The following PHACTR4 variants were observed in gnomAD, a reference collection of about 807,000 sequenced individuals.
PHACTR4 encodes the protein phosphatase and actin regulator 4.
PHACTR4 carries 51 observed loss-of-function variants against 72.7 expected under a neutral mutation model. The ratio of observed to expected loss-of-function variants is 0.70; its 90% CI spans 0.56 to 0.89. The LOEUF (loss-of-function observed/expected upper bound fraction) is 0.89, where lower values mean the gene tolerates loss of function less well. Among genes scored for constraint, PHACTR4 ranks in the 40% least tolerant of loss-of-function variants. The probability of loss-of-function intolerance (pLI) is 0.00; values close to 1 mark genes in which losing one functional copy is unlikely to be tolerated. For missense variants in PHACTR4, 731 were observed against 861.8 expected (o/e 0.85, Z 1.90); for synonymous variants, 255 against 302.5 (o/e 0.84, Z 1.63).
intron 1 of PHACTR4, among the ~76,000 whole-genome samples, chr1:28,384,182 G>A (rs144540669): frequency 0.01 from 1,598 of 152,230 alleles, 27 homozygotes; most frequent in African/African-American, 0.037. Flanking sequence ...CTCATAGAAT[G>A]AGTTAGGAAG....
Position 28,418,149 on chromosome 1 carries a change from A to G in PHACTR4, c.16+10686A>G, listed in dbSNP as rs185687902. Among the ~76,000 whole-genome samples, 808 of 152,050 alleles carry G rather than the reference A, an allele frequency of 5.3e-3. 5 individuals carry two copies. Among genetic ancestry groups the G allele is most frequent in the African/African-American group, 0.018 (741 of 41,462 alleles). ...CACAGCCCTATCTCTAAATAAATAA[A>G]TGCTGACAAAGATAGTAGAAAAATA... On this transcript the variant is annotated intron_variant, in intron 2 of 13. Transcript: ENST00000373839.
intron 2 of PHACTR4, among the ~76,000 whole-genome samples, chr1:28,458,094 TATG>T (rs1303585340): frequency 3.4e-5 from 5 of 146,472 alleles, no homozygotes; most frequent in East Asian, 2.0e-4. Context: ...TCCTTAATAT[TATG>T]GTGTGTGTGT....
intron 2 of PHACTR4, among the ~76,000 whole-genome samples, chr1:28,417,041 T>C (rs1218302128): frequency 6.6e-6 from 1 of 152,158 alleles, no homozygotes; most frequent in Non-Finnish European, 1.5e-5. Flanking sequence ...TCTTGCTTTT[T>C]TTTTTCTTTT....
intron 2 of PHACTR4, among the ~76,000 whole-genome samples, chr1:28,435,411 T>A (rs1656568789): frequency 6.6e-6 from 1 of 152,158 alleles, no homozygotes; most frequent in African/African-American, 2.4e-5. Flanking sequence ...ATTACAGGCA[T>A]GTGCCACCAC....
chr1:28,380,050 A>ATTTTTTTTTTTTTTTTTTTTTTTTTTT (rs1405487346), intron 1 of PHACTR4, among the ~76,000 whole-genome samples: 2 of 128,078 alleles, frequency 1.6e-5, no homozygotes, highest in African/African-American at 6.1e-5. Context: ...TTTAAATGTA[A>ATTTTTTTTTTTTTTTTTTTTTTTTTTT]CTTTTTTTTT....
chr1:28,461,055 C>A (rs1338236881), intron 4 of PHACTR4, among the ~76,000 whole-genome samples: 2 of 152,156 alleles, frequency 1.3e-5, no homozygotes, highest in Non-Finnish European at 2.9e-5. Flanking sequence ...CTCTATGAAG[C>A]AAGTTATTGC....
At chr1:28,380,051 C>CTTTTTT (rs1227241664) in intron 1 of PHACTR4, among the ~76,000 whole-genome samples, 14 of 117,314 alleles carry the variant, frequency 1.2e-4, no homozygotes, top group South Asian at 2.7e-4. Flanking sequence ...TTAAATGTAA[C>CTTTTTT]TTTTTTTTTT....
At chr1:28,462,334 G>C (rs1223761145) in intron 4 of PHACTR4, among the ~76,000 whole-genome samples, 1 of 151,882 alleles carries the variant, frequency 6.6e-6, no homozygotes, top group Non-Finnish European at 1.5e-5. Flanking sequence ...TGATACAGCT[G>C]TTCCACTTTC....
chr1:28,451,799 C>T (rs1657994885), intron 2 of PHACTR4, among the ~76,000 whole-genome samples: 1 of 149,874 alleles, frequency 6.7e-6, no homozygotes, highest in Non-Finnish European at 1.5e-5. Flanking sequence ...AAGCACCACA[C>T]TTGGCTAATT....
chr1:28,481,798 AAAAAG>A (rs1204968783), intron 9 of PHACTR4, among the ~76,000 whole-genome samples: 4 of 148,594 alleles, frequency 2.7e-5, no homozygotes, highest in Non-Finnish European at 4.4e-5. Flanking sequence ...TAAAAAAAAA[AAAAAG>A]AAAAGAAAAG....
chr1:28,443,793 A>G (rs1657224613), intron 2 of PHACTR4, among the ~76,000 whole-genome samples: 1 of 152,060 alleles, frequency 6.6e-6, no homozygotes, highest in Non-Finnish European at 1.5e-5. Flanking sequence ...CATTTTGTAT[A>G]TATACCACAT....
intron 1 of PHACTR4, among the ~76,000 whole-genome samples, chr1:28,392,406 CTTT>C (rs201902576): frequency 7.0e-6 from 1 of 141,934 alleles, no homozygotes; most frequent in African/African-American, 2.6e-5. Flanking sequence ...ATTCCTTTTT[CTTT>C]TTTTTTTTTT....
At chr1:28,450,288 C>CTTT (rs774519813) in intron 2 of PHACTR4, among the ~76,000 whole-genome samples, 3 of 139,986 alleles carry the variant, frequency 2.1e-5, no homozygotes, top group Non-Finnish European at 3.1e-5. Context: ...GGAAAACTAC[C>CTTT]TTTTTTTTTT....
intron 1 of PHACTR4, among the ~76,000 whole-genome samples, chr1:28,406,813 G>GT (rs1201349338): frequency 2.6e-5 from 4 of 152,072 alleles, no homozygotes; most frequent in Non-Finnish European, 5.9e-5. Flanking sequence ...CTTTTGAAAC[G>GT]TTTTTTGTTT....
chr1:28,489,703 G>GC, intron 10 of PHACTR4: 1 of 500,908 alleles, frequency 2.0e-6, no homozygotes, highest in Admixed American at 2.1e-5. Context: ...TATTTAATTT[G>GC]CTGTCTGTGT....
chr1:28,456,075 G>T (rs889749827), intron 2 of PHACTR4, among the ~76,000 whole-genome samples: 6 of 151,530 alleles, frequency 4.0e-5, no homozygotes, highest in Non-Finnish European at 7.4e-5. Context: ...AGCCATTCTT[G>T]CATTGCTATA....
At chr1:28,388,475 G>C (rs772685746) in intron 1 of PHACTR4, among the ~76,000 whole-genome samples, 2 of 152,226 alleles carry the variant, frequency 1.3e-5, no homozygotes, top group African/African-American at 2.4e-5. Context: ...AGGACAATCA[G>C]TGTCTTCAGT....
chr1:28,466,259 A>G (rs1162698985), intron 5 of PHACTR4, 123 bp from the exon 6 acceptor site: 49 of 1,122,888 alleles, frequency 4.4e-5, no homozygotes, highest in Non-Finnish European at 6.1e-5. Context: ...TGAGAATGGT[A>G]ACCTATAAGC....
intron 1 of PHACTR4, among the ~76,000 whole-genome samples, chr1:28,393,327 G>A (rs1653206164): frequency 6.6e-6 from 1 of 152,108 alleles, no homozygotes; most frequent in Admixed American, 6.6e-5. Context: ...TTCCACTATG[G>A]CAACACTAAT....
Sources: allele counts gnomAD v4.1 joint callset (sites outside exome capture counted in the v4.1 genomes callset), GRCh38; gene constraint gnomAD v4.1.1; transcripts MANE v1.5; gene names NCBI Gene and HGNC (gene_info 2026-07-23, HGNC 2026-07-21).